The following ASRGL1 variants were observed in gnomAD, a reference collection of about 807,000 sequenced individuals.
ASRGL1 encodes isoaspartyl peptidase/L-asparaginase.
In ASRGL1, 16 loss-of-function variants were observed where a neutral mutation model predicts 22.4. The ratio of observed to expected loss-of-function variants is 0.71; its 90% CI spans 0.48 to 1.08. ASRGL1 has a LOEUF of 1.08. ASRGL1 is among the 50% of genes least tolerant of loss of function. ASRGL1 has a pLI of 0.00. For synonymous variants in ASRGL1, 165 were observed against 159.3 expected (o/e 1.04, Z -0.27); for missense variants, 412 against 410.1 (o/e 1.00, Z -0.04).
At chr11:62,397,821 C>G (rs1309073703), downstream of ASRGL1, among the ~76,000 whole-genome samples, 1 of 152,174 alleles carries the variant, frequency 6.6e-6, no homozygotes, top group East Asian at 1.9e-4. Flanking sequence ...TTTCAGTTAA[C>G]ACTCTCCACC....
At chr11:62,365,192 C>T (rs1042947829) in intron 4 of ASRGL1, among the ~76,000 whole-genome samples, 5 of 151,848 alleles carry the variant, frequency 3.3e-5, no homozygotes, top group East Asian at 3.9e-4. Flanking sequence ...ATGTAGCATG[C>T]GTATGTCTGG....
Position 62,391,573 on chromosome 11 carries a change from A to G in ASRGL1, c.662A>G (p.His221Arg). Reference sequence around the variant, plus strand: ...ATCGGAGCCGTCTCAACCACAGGGCATGGGGAAAGCATCCTGAAGGTGAAC... The same window carrying G: ...ATCGGAGCCGTCTCAACCACAGGGCGTGGGGAAAGCATCCTGAAGGTGAAC... ...NDIGAVSTTG[H>R]GESILKVNLA... is the part of the protein sequence containing the mutation. The change falls in exon 6 of 7, where the codon CAT becomes CGT. Residue 221 changes from histidine (H) to arginine (R), a missense_variant. His to Arg is a conservative substitution (Grantham distance 29, BLOSUM62 0). Transcript: ENST00000415229. 6.2e-7 allele frequency: 1 copy of G among 1,612,846 alleles called. No homozygotes were observed. The highest frequency in any genetic ancestry group is 1.1e-5 in the South Asian group (1 of 90,672).
chr11:62,367,972 A>T (rs528323078), intron 4 of ASRGL1, among the ~76,000 whole-genome samples: 34 of 152,170 alleles, frequency 2.2e-4, no homozygotes, highest in South Asian at 8.3e-4. Flanking sequence ...AAATTTAAAA[A>T]TTTTTAATTT....
At position 62,348,301 on chromosome 11, in the gene ASRGL1, G is replaced by A. The variant is rs573244527; in HGVS notation, c.191-8024G>A. Among the ~76,000 whole-genome samples the A allele has an allele frequency of 7.8e-4, 118 of 152,184 alleles. 1 individual carries two copies. Among genetic ancestry groups the A allele is most frequent in the Non-Finnish European group, 1.4e-3 (95 of 68,034 alleles). On this transcript the variant is annotated intron_variant, in intron 2 of 6. Coordinates refer to ENST00000415229, the MANE Select transcript of ASRGL1 (RefSeq NM_001083926.2). Reference sequence around the variant, plus strand: ...CCACACCATGTGGGAGATGGAGTTAGTACTCATCATCTCTTCCAAAGCTCC... The same window carrying A: ...CCACACCATGTGGGAGATGGAGTTAATACTCATCATCTCTTCCAAAGCTCC...
intron 4 of ASRGL1, chr11:62,383,117 A>C (rs963431049): frequency 2.6e-5 from 4 of 152,190 alleles, no homozygotes; most frequent in African/African-American, 7.2e-5. Context: ...TGAGTGTGAT[A>C]ATGTAAAAAT....
At chr11:62,337,778 G>A in intron 1 of ASRGL1, 112 bp from the exon 2 acceptor site, 1 of 517,106 alleles carries the variant, frequency 1.9e-6, no homozygotes, top group Non-Finnish European at 3.3e-6. Context: ...GAGGAACGCG[G>A]GAGGGCGCCG....
intron 4 of ASRGL1, among the ~76,000 whole-genome samples, chr11:62,383,631 A>ACATCATCAGGCCAGGCTTGGTGGC (rs1199292776): frequency 1.5e-4 from 20 of 137,536 alleles, no homozygotes; most frequent in African/African-American, 5.1e-4. Flanking sequence ...AAAAAAAAGA[A>ACATCATCAGGCCAGGCTTGGTGGC]CATCATCAGG....
intron 4 of ASRGL1, chr11:62,382,602 C>T (rs1252040141): frequency 6.6e-6 from 1 of 151,894 alleles, no homozygotes; most frequent in African/African-American, 2.4e-5. Context: ...CCTCTTATCA[C>T]AACTGCAAAG....
intron 2 of ASRGL1, among the ~76,000 whole-genome samples, chr11:62,341,197 T>A: frequency 7.8e-6 from 1 of 127,648 alleles, no homozygotes; most frequent in South Asian, 2.4e-4. Context: ...GATAACAGGA[T>A]TTTTTTTTTT....
chr11:62,362,988 G>A (rs1164335386), intron 4 of ASRGL1, among the ~76,000 whole-genome samples: 3 of 114,690 alleles, frequency 2.6e-5, no homozygotes, highest in Non-Finnish European at 3.3e-5. Flanking sequence ...GCACAATCTC[G>A]GCTTACTGCA....
At chr11:62,347,387 G>T (rs578215791) in intron 2 of ASRGL1, among the ~76,000 whole-genome samples, 6 of 152,120 alleles carry the variant, frequency 3.9e-5, no homozygotes, top group Non-Finnish European at 8.8e-5. Flanking sequence ...AGATAGAGGG[G>T]TGAGACTGAA....
chr11:62,379,940 T>C lies in ASRGL1; in HGVS notation c.492-9193T>C, dbSNP rs1947022813. Among the ~76,000 whole-genome samples the C allele has an allele frequency of 2.0e-5, 3 of 152,314 alleles. No individual in the cohort carries two copies. In the South Asian group the frequency reaches 6.2e-4, roughly 32 times the overall value. ...TGATAGAATTCTAATAGTGTTTTTC[T>C]TTTTTACATCTTGGACATAAGTCGG... On this transcript the variant is annotated intron_variant, in intron 4 of 6. Coordinates refer to ENST00000415229, the MANE Select transcript of ASRGL1 (RefSeq NM_001083926.2).
chr11:62,365,309 T>G (rs951638911), intron 4 of ASRGL1, among the ~76,000 whole-genome samples: 3 of 152,032 alleles, frequency 2.0e-5, no homozygotes, highest in African/African-American at 7.2e-5. Flanking sequence ...ATCCCAGCAC[T>G]TTGGGAGGCC....
chr11:62,400,266 A>C, the ASRGL1 span, among the ~76,000 whole-genome samples: 24 of 152,338 alleles, frequency 1.6e-4, no homozygotes, highest in Non-Finnish European at 4.4e-5. Flanking sequence ...GAACAGTAGT[A>C]ACCTCTCTGA....
At chr11:62,373,069 C>T (rs1243730816) in intron 4 of ASRGL1, 6 of 1,440,836 alleles carry the variant, frequency 4.2e-6, no homozygotes, top group Non-Finnish European at 5.9e-6. Context: ...TTCTCAGAGC[C>T]GGTCGCCATG....
In ASRGL1 at chr11:62,373,956, G is replaced by A. The variant is rs187886775; in HGVS notation, c.492-15177G>A. Among the ~76,000 whole-genome samples, 130 of 152,326 alleles carry A rather than the reference G, an allele frequency of 8.5e-4. 1 individual carries two copies. The highest frequency in any genetic ancestry group is 2.3e-3 in the African/African-American group (94 of 41,558). On this transcript the variant is annotated intron_variant, in intron 4 of 6. Transcript: ENST00000415229. ...TTGAGTCAGCTTCATGGCTCCCTGC[G>A]GAGCCAGGGCTGAGCCTTGTCACAC...
chr11:62,358,295 G>T (rs543167863), intron 4 of ASRGL1, among the ~76,000 whole-genome samples: 2 of 151,336 alleles, frequency 1.3e-5, no homozygotes, highest in South Asian at 4.2e-4. Flanking sequence ...GCTTGAACCC[G>T]GGAGGCAGAG....
In ASRGL1 at chr11:62,389,347, G is replaced by A. The variant is rs759514710; in HGVS notation, c.610+96G>A. On this transcript the variant is annotated intron_variant, in intron 5 of 6. Transcript: ENST00000415229. ...CCTGCCCCTCTCCGTTTCTTGCTGC[G>A]TTCCCTTTCTGCTTTTGGTGCAGCT... 6.0e-5 allele frequency: 72 copies of A among 1,193,872 alleles called. 1 individual carries two copies. The highest frequency in any genetic ancestry group is 7.7e-5 in the Non-Finnish European group (62 of 806,076). The allele number at this position is 1,193,872 out of a possible 1,614,324, so 74.0% of individuals were successfully genotyped here.
In ASRGL1 at chr11:62,363,004, C is replaced by T. The variant is rs537550734; in HGVS notation, c.491+5860C>T. On this transcript the variant is annotated intron_variant, in intron 4 of 6. Transcript: ENST00000415229. ...CACAATCTCGGCTTACTGCAAGCTC[C>T]GCCTCCAGGGTTCACGCCATTCTCC... 1.7e-4 allele frequency among the ~76,000 whole-genome samples: 22 copies of T among 132,576 alleles called. No individual in the cohort carries two copies. The South Asian group carries it at 3.0e-3, about 18-fold the overall frequency. The allele number at this position is 132,576 out of a possible 152,430, so 87.0% of individuals were successfully genotyped here. A position where few individuals can be genotyped will look rare whatever the true frequency, so the allele number is the denominator to read the frequency against.
Sources: allele counts gnomAD v4.1 joint callset (sites outside exome capture counted in the v4.1 genomes callset), GRCh38; gene constraint gnomAD v4.1.1; transcripts MANE v1.5; gene names NCBI Gene and HGNC (gene_info 2026-07-23, HGNC 2026-07-21).